Variants in DCTN5 observed in about 807,000 individuals in gnomAD.
The protein encoded by DCTN5 is dynactin subunit 5, also known as dynactin 4.
In DCTN5, 14 loss-of-function variants were observed where a neutral mutation model predicts 23.5. The ratio of observed to expected loss-of-function variants is 0.60; its 90% CI spans 0.39 to 0.93. DCTN5 has a LOEUF of 0.93. DCTN5 is among the 40% of genes least tolerant of loss of function. The pLI is 0.00. For missense variants in DCTN5, 156 were observed against 225.9 expected (o/e 0.69, Z 1.98); for synonymous variants, 67 against 79.6 (o/e 0.84, Z 0.84).
intron 2 of DCTN5, among the ~76,000 whole-genome samples, chr16:23,644,079 G>C (rs1033579377): frequency 2.6e-5 from 4 of 151,958 alleles, no homozygotes; most frequent in African/African-American, 9.7e-5. Context: ...AAGGAATTAA[G>C]TGGAAAAGAA....
chr16:23,671,363 A>C lies in DCTN5; in HGVS notation c.*4219A>C. ...AGCAAAACCCCTTAGAGTATAAGGC[A>C]TAGCATTCTTACATATTTTTAAAAT... On this transcript the variant is annotated 3_prime_UTR_variant, in exon 6 of 6. Transcript: ENST00000300087. The C allele has an allele frequency of 6.6e-6, 1 of 152,238 alleles. No homozygotes were observed. Among genetic ancestry groups the C allele is most frequent in the Non-Finnish European group, 1.5e-5 (1 of 68,042 alleles). 9.4% of individuals were successfully genotyped at this position (152,238 alleles called of 1,614,324 possible).
At chr16:23,649,837 C>CAAAAA (rs1175500177) in intron 2 of DCTN5, among the ~76,000 whole-genome samples, 7 of 55,958 alleles carry the variant, frequency 1.3e-4, no homozygotes, top group African/African-American at 3.9e-4. Context: ...GACTCTGTCT[C>CAAAAA]AAAAAAAAAA....
chr16:23,666,839 C>T (rs1967915259), intron 5 of DCTN5: 2 of 695,550 alleles, frequency 2.9e-6, no homozygotes, highest in South Asian at 4.5e-5. Flanking sequence ...GAAGGAGAGA[C>T]TTTTGTTTAG....
At chr16:23,655,202 T>C (rs1270846219) in intron 2 of DCTN5, among the ~76,000 whole-genome samples, 2 of 152,164 alleles carry the variant, frequency 1.3e-5, no homozygotes, top group Non-Finnish European at 2.9e-5. Flanking sequence ...TATGGAACTT[T>C]TAAGACATGT....
At position 23,673,467 on chromosome 16, in the gene DCTN5, C is replaced by T. The variant is rs1287354318; in HGVS notation, c.*6323C>T. The T allele has an allele frequency of 6.6e-6, 1 of 152,116 alleles. No homozygotes were observed. Among genetic ancestry groups the T allele is most frequent in the Non-Finnish European group, 1.5e-5 (1 of 68,036 alleles). 9.4% of individuals were successfully genotyped at this position (152,116 alleles called of 1,614,324 possible). A position where few individuals can be genotyped will look rare whatever the true frequency, so the allele number is the denominator to read the frequency against. ...ACACATGCAGTGGATGCTCAGCAGGCCTTGAGTGTGTGAATGAAAAATATT... is the reference window on the plus strand; with the variant it reads ...ACACATGCAGTGGATGCTCAGCAGGTCTTGAGTGTGTGAATGAAAAATATT... On this transcript the variant is annotated 3_prime_UTR_variant, in exon 6 of 6. Coordinates refer to ENST00000300087, the MANE Select transcript of DCTN5 (RefSeq NM_032486.4).
At chr16:23,661,333 C>T (rs914032557) in intron 4 of DCTN5, 52 bp downstream of exon 4, 1 of 1,313,550 alleles carries the variant, frequency 7.6e-7, no homozygotes, top group African/African-American at 1.5e-5. Context: ...CTTCAGCTCC[C>T]ATCCCTCACT....
chr16:23,666,457 A>G (rs1967908205), intron 5 of DCTN5: 1 of 153,766 alleles, frequency 6.5e-6, no homozygotes, highest in African/African-American at 2.4e-5. Flanking sequence ...TGAGGAAACA[A>G]AAGTGATACG....
intron 2 of DCTN5, among the ~76,000 whole-genome samples, chr16:23,646,177 A>C (rs2140972523): frequency 6.6e-6 from 1 of 152,192 alleles, no homozygotes; most frequent in South Asian, 2.1e-4. Context: ...GTATTTCCTT[A>C]ATGACTAATG....
At chr16:23,655,559 C>G (rs1228458627) in intron 2 of DCTN5, among the ~76,000 whole-genome samples, 1 of 133,148 alleles carries the variant, frequency 7.5e-6, no homozygotes, top group Non-Finnish European at 1.6e-5. Flanking sequence ...TTTTTTTTTT[C>G]TTGAGGCACA....
intron 2 of DCTN5, among the ~76,000 whole-genome samples, chr16:23,652,557 A>G (rs948386990): frequency 6.6e-6 from 1 of 152,190 alleles, no homozygotes; most frequent in African/African-American, 2.4e-5. Flanking sequence ...GCAGTTTGAC[A>G]AGTTTTGACT....
Position 23,674,886 on chromosome 16 carries a change from G to C in DCTN5, c.*7742G>C, listed in dbSNP as rs1258109480. The stretch of plus-strand genomic sequence containing the variant: ...CTTCTGAGGCCTCTCTGCTTGGCTT[G>C]CAGATGGCTGCCTTCTTACTGTGTC... On this transcript the variant is annotated 3_prime_UTR_variant, in exon 6 of 6. Coordinates refer to ENST00000300087, the MANE Select transcript of DCTN5 (RefSeq NM_032486.4). The C allele has an allele frequency of 2.0e-5, 3 of 152,146 alleles. No homozygotes were observed. The highest frequency in any genetic ancestry group is 7.2e-5 in the African/African-American group (3 of 41,434). 9.4% of individuals were successfully genotyped at this position (152,146 alleles called of 1,614,324 possible).
rs1377085220 is a variant in DCTN5 at position 23,675,214 on chromosome 16, ATGT to A, written c.*8073_*8075del. The A allele has an allele frequency of 6.6e-6, 1 of 152,118 alleles. No individual in the cohort carries two copies. The highest frequency in any genetic ancestry group is 1.5e-5 in the Non-Finnish European group (1 of 68,026). 9.4% of individuals were successfully genotyped at this position (152,118 alleles called of 1,614,324 possible). A position where few individuals can be genotyped will look rare whatever the true frequency, so the allele number is the denominator to read the frequency against. On this transcript the variant is annotated 3_prime_UTR_variant, in exon 6 of 6. Transcript: ENST00000300087. ...TCTAGGATGATAGTTAAAAAAAAAAATGTTGGCCAGGCGCAGTGATGGATGCAT... is the reference window on the plus strand; with the variant it reads ...TCTAGGATGATAGTTAAAAAAAAAAATGGCCAGGCGCAGTGATGGATGCAT...
intron 3 of DCTN5, among the ~76,000 whole-genome samples, chr16:23,660,646 G>A (rs995000042): frequency 5.3e-5 from 8 of 152,130 alleles, no homozygotes; most frequent in Non-Finnish European, 1.2e-4. Context: ...TCTCTTGATT[G>A]CAAGCTGCTC....
intron 4 of DCTN5, among the ~76,000 whole-genome samples, chr16:23,661,778 A>G (rs893482849): frequency 1.3e-5 from 2 of 151,988 alleles, no homozygotes; most frequent in Non-Finnish European, 2.9e-5. Flanking sequence ...TTTTCTAGAC[A>G]TTAATACGGG....
intron 4 of DCTN5, among the ~76,000 whole-genome samples, chr16:23,663,362 T>C (rs1447260134): frequency 6.6e-6 from 1 of 152,198 alleles, no homozygotes; most frequent in Non-Finnish European, 1.5e-5. Flanking sequence ...GTAGCTGTAG[T>C]ATTAGCAGCA....
chr16:23,666,715 A>C, intron 5 of DCTN5: 1 of 439,728 alleles, frequency 2.3e-6, no homozygotes, highest in Non-Finnish European at 4.0e-6. Context: ...AATAAATCTC[A>C]TCTCTCAGAT....
chr16:23,644,592 G>A (rs952658378), intron 2 of DCTN5, among the ~76,000 whole-genome samples: 5 of 151,448 alleles, frequency 3.3e-5, no homozygotes, highest in African/African-American at 9.7e-5. Context: ...GAGCCACCGC[G>A]CCTGGCCTAA....
intron 2 of DCTN5, among the ~76,000 whole-genome samples, chr16:23,645,137 ATTTTTTTTT>A (rs869033729): frequency 3.2e-5 from 1 of 30,806 alleles, no homozygotes; most frequent in African/African-American, 1.3e-4. Flanking sequence ...ATATATATAT[ATTTTTTTTT>A]TTTTTAATAC....
At position 23,667,706 on chromosome 16, in the gene DCTN5, T is replaced by A. The variant is rs1597127366; in HGVS notation, c.*562T>A. The stretch of plus-strand genomic sequence containing the variant: ...ATTAAAACTTGAAGGGAGGGGTGAA[T>A]AGTGTTTCTCTCTTCTTCCCAAAAT... On this transcript the variant is annotated 3_prime_UTR_variant, in exon 6 of 6. Transcript: ENST00000300087. The A allele has an allele frequency of 6.5e-6, 1 of 154,020 alleles. No individual in the cohort carries two copies. Among genetic ancestry groups the A allele is most frequent in the South Asian group, 2.0e-4 (1 of 4,930 alleles). 9.5% of individuals were successfully genotyped at this position (154,020 alleles called of 1,614,324 possible). A position where few individuals can be genotyped will look rare whatever the true frequency, so the allele number is the denominator to read the frequency against.
Sources: gnomAD v4.1 joint callset for allele counts (sites outside exome capture counted in the v4.1 genomes callset) on GRCh38, gnomAD v4.1.1 for gene constraint, MANE v1.5 for transcripts, NCBI Gene and HGNC (gene_info 2026-07-23, HGNC 2026-07-21) for gene names.